Variants in GALNTL6 observed in about 807,000 individuals in gnomAD.
GALNTL6 encodes the protein polypeptide N-acetylgalactosaminyltransferase-like 6.
Under a neutral mutation model 73.7 loss-of-function variants are expected in GALNTL6, and 46 were observed. That is an observed-to-expected ratio of 0.62 (90% CI 0.49 to 0.80). The LOEUF is 0.80. Ranked by LOEUF, GALNTL6 falls within the 30% of genes least tolerant of loss-of-function variation. The pLI is 0.00. For missense variants in GALNTL6, 604 were observed against 755.0 expected (o/e 0.80, Z 2.34); for synonymous variants, 259 against 263.7 (o/e 0.98, Z 0.17).
intron 7 of GALNTL6, among the ~76,000 whole-genome samples, chr4:172,878,464 G>T (rs1316431578): frequency 6.6e-6 from 1 of 151,748 alleles, no homozygotes; most frequent in Admixed American, 6.6e-5. Context: ...AAAGTAAAAT[G>T]TATGATAACA....
At chr4:171,911,306 A>C (rs1737469668) in intron 2 of GALNTL6, among the ~76,000 whole-genome samples, 2 of 152,066 alleles carry the variant, frequency 1.3e-5, no homozygotes, top group Non-Finnish European at 2.9e-5. Context: ...ACTACAGGCA[A>C]GCATCACTAC....
intron 2 of GALNTL6, among the ~76,000 whole-genome samples, chr4:172,158,415 TAA>T (rs1327014069): frequency 6.7e-6 from 1 of 149,296 alleles, no homozygotes. Flanking sequence ...TTATTCTCAT[TAA>T]AAAAAAAAAC....
intron 10 of GALNTL6, among the ~76,000 whole-genome samples, chr4:172,959,078 C>T (rs1280244463): frequency 6.6e-6 from 1 of 152,078 alleles, no homozygotes; most frequent in African/African-American, 2.4e-5. Flanking sequence ...TGATAACAGG[C>T]TTTAATCCTT....
At chr4:173,011,209 G>T (rs1285375652) in intron 11 of GALNTL6, among the ~76,000 whole-genome samples, 2 of 152,010 alleles carry the variant, frequency 1.3e-5, no homozygotes, top group Non-Finnish European at 2.9e-5. Flanking sequence ...AAATTATTAG[G>T]TTTTTTACAT....
chr4:172,497,265 A>G lies in GALNTL6; in HGVS notation c.553+148576A>G, dbSNP rs2110764929. Among the ~76,000 whole-genome samples the G allele has an allele frequency of 2.0e-5, 3 of 152,368 alleles. No individual in the cohort carries two copies. The South Asian group carries it at 6.2e-4, about 32-fold the overall frequency. ...AATGAAGAGTAAATTAATGAATAGT[A>G]ATGGTTCGATTATAAGTTTCTGCCA... On this transcript the variant is annotated intron_variant, in intron 5 of 12. Coordinates refer to ENST00000506823, the MANE Select transcript of GALNTL6 (RefSeq NM_001034845.3).
intron 10 of GALNTL6, among the ~76,000 whole-genome samples, chr4:172,985,158 C>T (rs1036040373): frequency 2.6e-5 from 4 of 151,860 alleles, no homozygotes; most frequent in South Asian, 2.1e-4. Context: ...AGTCTGGATT[C>T]GAGGAAGAGA....
intron 2 of GALNTL6, among the ~76,000 whole-genome samples, chr4:172,058,056 T>G (rs1731081316): frequency 6.6e-6 from 1 of 151,944 alleles, no homozygotes; most frequent in Non-Finnish European, 1.5e-5. Flanking sequence ...TTTTTGTTTG[T>G]TTTTTGTTTT....
At chr4:172,853,032 A>C (rs1302260808) in intron 7 of GALNTL6, among the ~76,000 whole-genome samples, 1 of 152,230 alleles carries the variant, frequency 6.6e-6, no homozygotes, top group African/African-American at 2.4e-5. Flanking sequence ...TCACAAAATT[A>C]ACGACTTAAA....
intron 2 of GALNTL6, among the ~76,000 whole-genome samples, chr4:171,887,521 T>C (rs904329650): frequency 2.0e-5 from 3 of 152,164 alleles, no homozygotes; most frequent in Non-Finnish European, 4.4e-5. Context: ...TTGAAGAGGC[T>C]CCTGTGGGAA....
intron 10 of GALNTL6, among the ~76,000 whole-genome samples, chr4:172,997,889 A>G (rs959733987): frequency 3.3e-5 from 5 of 152,220 alleles, no homozygotes; most frequent in African/African-American, 9.6e-5. Context: ...GATGCCAGAC[A>G]TGTTTCACAA....
At chr4:172,491,353 A>AAC (rs754773154) in intron 5 of GALNTL6, among the ~76,000 whole-genome samples, 1 of 34,932 alleles carries the variant, frequency 2.9e-5, no homozygotes, top group Non-Finnish European at 6.4e-5. Flanking sequence ...AAAACAAACA[A>AAC]AAACAAAAGG....
chr4:172,747,470 T>C (rs909579650), intron 5 of GALNTL6, among the ~76,000 whole-genome samples: 1 of 151,990 alleles, frequency 6.6e-6, no homozygotes, highest in African/African-American at 2.4e-5. Context: ...TAAGAAGATA[T>C]CACCTCACAT....
chr4:172,158,374 A>G (rs1734348552), intron 2 of GALNTL6, among the ~76,000 whole-genome samples: 1 of 152,126 alleles, frequency 6.6e-6, no homozygotes, highest in African/African-American at 2.4e-5. Context: ...ACTTTCCCGC[A>G]GTACATAATT....
chr4:172,643,147 G>C (rs1232619303), intron 5 of GALNTL6, among the ~76,000 whole-genome samples: 1 of 151,826 alleles, frequency 6.6e-6, no homozygotes, highest in Non-Finnish European at 1.5e-5. Flanking sequence ...CATTCATTGG[G>C]AGTCTTTGAC....
chr4:172,534,790 A>G (rs1735286789), intron 5 of GALNTL6, among the ~76,000 whole-genome samples: 1 of 152,054 alleles, frequency 6.6e-6, no homozygotes, highest in Non-Finnish European at 1.5e-5. Context: ...CTGGTCTCGA[A>G]CTCCTGACTT....
In GALNTL6 at chr4:172,085,604, G is replaced by A. The variant is rs1396680926; in HGVS notation, c.139-144052G>A. On this transcript the variant is annotated intron_variant, in intron 2 of 12. Transcript: ENST00000506823. ...TAAGCATGAATAGCTACTGGTTTAA[G>A]GCAGAAGCATATTAATATTTTAAAT... Among the ~76,000 whole-genome samples, 7 of 151,736 alleles carry A rather than the reference G, an allele frequency of 4.6e-5. No homozygotes were observed. In the East Asian group the frequency reaches 7.7e-4, roughly 17 times the overall value.
intron 7 of GALNTL6, among the ~76,000 whole-genome samples, chr4:172,855,196 G>GGAA (rs1744061232): frequency 7.2e-6 from 1 of 138,906 alleles, no homozygotes; most frequent in Non-Finnish European, 1.5e-5. Context: ...ACTTTGAGGT[G>GGAA]AAAAAAAAAA....
In GALNTL6 at chr4:171,821,110, G is replaced by T. The variant is rs112320290; in HGVS notation, c.138+6392G>T. 2.1e-3 allele frequency among the ~76,000 whole-genome samples: 318 copies of T among 152,034 alleles called. 3 individuals are homozygous for T. The highest frequency in any genetic ancestry group is 0.01 in the Middle Eastern group (3 of 294). On this transcript the variant is annotated intron_variant, in intron 2 of 12. Transcript: ENST00000506823. Reference sequence around the variant, plus strand: ...GAGTGCAGTGGTGCAACTGTAACTCGCTGCAGCCTCAGTCTCCTGGGCTCA... The same window carrying T: ...GAGTGCAGTGGTGCAACTGTAACTCTCTGCAGCCTCAGTCTCCTGGGCTCA...
At chr4:172,450,210 T>C (rs1579082215) in intron 5 of GALNTL6, among the ~76,000 whole-genome samples, 2 of 89,248 alleles carry the variant, frequency 2.2e-5, no homozygotes, top group African/African-American at 4.1e-5. Context: ...AGAGCGAAAC[T>C]CCATTAAAAA....
Sources: gnomAD v4.1 joint callset for allele counts (sites outside exome capture counted in the v4.1 genomes callset) on GRCh38, gnomAD v4.1.1 for gene constraint, MANE v1.5 for transcripts, NCBI Gene and HGNC (gene_info 2026-07-23, HGNC 2026-07-21) for gene names.